Variants in ATP2C1 observed in about 807,000 individuals in gnomAD.
The protein encoded by ATP2C1 is ATPase secretory pathway Ca2+ transporting 1.
Under a neutral mutation model 120.5 loss-of-function variants are expected in ATP2C1, and 31 were observed. The observed-to-expected ratio is 0.26, with a 90% CI of 0.19 to 0.35. The LOEUF (loss-of-function observed/expected upper bound fraction) is 0.35, where lower values mean the gene tolerates loss of function less well. Ranked by LOEUF, ATP2C1 falls within the 10% of genes least tolerant of loss-of-function variation. ATP2C1 has a pLI of 1.00. For synonymous variants in ATP2C1, 351 were observed against 358.7 expected, an observed-to-expected ratio of 0.98 and a Z score of 0.24; for missense variants, 731 against 1,107.5, an observed-to-expected ratio of 0.66 and a Z score of 4.83.
At chr3:131,009,829 G>A (rs1577072271) in intron 26 of ATP2C1, among the ~76,000 whole-genome samples, 1 of 152,160 alleles carries the variant, frequency 6.6e-6, no homozygotes, top group East Asian at 1.9e-4. Context: ...TTTCAGCTGT[G>A]ATGACTGAAA....
At chr3:130,981,822 T>G (rs2061779562) in intron 20 of ATP2C1, among the ~76,000 whole-genome samples, 1 of 152,238 alleles carries the variant, frequency 6.6e-6, no homozygotes, top group African/African-American at 2.4e-5. Context: ...GTTGAATATC[T>G]TTTCATATGC....
At chr3:131,015,988 A>G (rs1192110414) in intron 26 of ATP2C1, 2 of 897,806 alleles carry the variant, frequency 2.2e-6, no homozygotes, top group Non-Finnish European at 3.5e-6. Context: ...CCAGCTCTTC[A>G]GCTGTAACAG....
chr3:130,984,398 A>G (rs943601565), intron 20 of ATP2C1, among the ~76,000 whole-genome samples: 2 of 152,172 alleles, frequency 1.3e-5, no homozygotes, highest in South Asian at 2.1e-4. Context: ...GGCCGTTAAC[A>G]TATATTGCTG....
intron 12 of ATP2C1, chr3:130,963,571 T>G: frequency 4.6e-6 from 1 of 218,936 alleles, no homozygotes; most frequent in Non-Finnish European, 9.3e-6. Flanking sequence ...TTTGGCCTGT[T>G]TCCATCTTTT....
At position 130,894,747 on chromosome 3, in the gene ATP2C1, C is replaced by T. The variant is rs1299445249; in HGVS notation, c.-23C>T. ...ACACTAAAGACTTTGTAGCCATCAA[C>T]CCGAGTGCAGTTTCGATGGAAAATG... On this transcript the variant is annotated 5_prime_UTR_variant, in exon 2 of 28. Transcript: ENST00000510168. This position sits in a 1 kb window ranked among gnomAD's most constrained non-coding sequence, Gnocchi z 4.5. 1 of 1,614,074 alleles carries T rather than the reference C, an allele frequency of 6.2e-7. No individual in the cohort carries two copies. Among genetic ancestry groups the T allele is most frequent in the Admixed American group, 1.7e-5 (1 of 60,002 alleles).
At chr3:130,878,676 TTC>T (rs2068684427) in intron 1 of ATP2C1, among the ~76,000 whole-genome samples, 1 of 152,212 alleles carries the variant, frequency 6.6e-6, no homozygotes, top group African/African-American at 2.4e-5. Context: ...GCCTGACAAT[TTC>T]TTTCTTTCAG....
intron 1 of ATP2C1, chr3:130,868,214 TG>T (rs1412635914): frequency 7.2e-6 from 1 of 139,614 alleles, no homozygotes; most frequent in Non-Finnish European, 1.5e-5. Context: ...AGGACCCCTC[TG>T]CCCGGCCAGC....
chr3:130,951,205 C>G (rs1226068526), intron 8 of ATP2C1, among the ~76,000 whole-genome samples: 1 of 151,984 alleles, frequency 6.6e-6, no homozygotes, highest in East Asian at 1.9e-4. Context: ...CTGTCTTTTT[C>G]TATAAGTGGT....
chr3:130,965,994 C>T (rs558697405), intron 14 of ATP2C1, among the ~76,000 whole-genome samples: 2 of 152,226 alleles, frequency 1.3e-5, no homozygotes, highest in South Asian at 4.1e-4. Context: ...GTAGTTCTTC[C>T]TGAAGGTGCT....
Position 130,894,129 on chromosome 3 carries a change from T to A in ATP2C1, c.-389T>A. ...AGCCGGCCCGGCGGACCGTGACGGG[T>A]CCCCTCACCTCCTCTTCTCTCCCCT... On this transcript the variant is annotated 5_prime_UTR_variant, in exon 1 of 28. Coordinates refer to ENST00000510168, the MANE Select transcript of ATP2C1 (RefSeq NM_001378687.1). This position sits in a 1 kb window ranked among gnomAD's most constrained non-coding sequence, Gnocchi z 4.5. 1 of 960,638 alleles carries A rather than the reference T, an allele frequency of 1.0e-6. No homozygotes were observed. Among genetic ancestry groups the A allele is most frequent in the Middle Eastern group, 5.4e-4 (1 of 1,866 alleles). 59.5% of individuals were successfully genotyped at this position (960,638 alleles called of 1,614,324 possible).
At chr3:130,986,852 T>C (rs1232326371) in intron 20 of ATP2C1, among the ~76,000 whole-genome samples, 1 of 152,066 alleles carries the variant, frequency 6.6e-6, no homozygotes, top group East Asian at 1.9e-4. Flanking sequence ...TTATTTGGCC[T>C]TCAGCTTTTT....
intron 8 of ATP2C1, among the ~76,000 whole-genome samples, chr3:130,949,364 A>C (rs2060274444): frequency 6.6e-6 from 1 of 152,148 alleles, no homozygotes. Context: ...CCTTAAACCA[A>C]ACCTAATCCA....
intron 3 of ATP2C1, among the ~76,000 whole-genome samples, chr3:130,931,304 C>T (rs929859873): frequency 3.9e-5 from 6 of 151,990 alleles, no homozygotes; most frequent in Non-Finnish European, 2.9e-5. Context: ...AATACTAAAT[C>T]ATGAGAGAGA....
chr3:130,920,871 A>G (rs111255282), intron 2 of ATP2C1, among the ~76,000 whole-genome samples: 95 of 152,202 alleles, frequency 6.2e-4, no homozygotes, highest in African/African-American at 1.9e-3. Context: ...CTGGTTTTCA[A>G]TAAACAAACC....
At chr3:131,008,870 C>CA (rs1043804904) in intron 26 of ATP2C1, among the ~76,000 whole-genome samples, 2 of 152,178 alleles carry the variant, frequency 1.3e-5, no homozygotes, top group African/African-American at 4.8e-5. Flanking sequence ...TAGAGAAAGT[C>CA]AGAGTGTCTC....
intron 2 of ATP2C1, among the ~76,000 whole-genome samples, chr3:130,929,369 G>C (rs1272751359): frequency 6.6e-6 from 1 of 152,032 alleles, no homozygotes; most frequent in Non-Finnish European, 1.5e-5. Context: ...ATGTGTGCAG[G>C]CCTCTGTAAT....
At chr3:130,852,467 C>T (rs374930191) in intron 1 of ATP2C1, among the ~76,000 whole-genome samples, 4 of 152,020 alleles carry the variant, frequency 2.6e-5, no homozygotes, top group African/African-American at 9.6e-5. Flanking sequence ...TAGAATTTAA[C>T]ATAAAACCTC....
downstream of ATP2C1, among the ~76,000 whole-genome samples, chr3:131,006,397 C>G (rs1370717320): frequency 6.6e-6 from 1 of 152,198 alleles, no homozygotes. Context: ...CGGGCATGAG[C>G]CACCACGGTT....
chr3:130,990,952 G>A (rs1218786180), intron 20 of ATP2C1, among the ~76,000 whole-genome samples: 1 of 152,224 alleles, frequency 6.6e-6, no homozygotes, highest in Non-Finnish European at 1.5e-5. Context: ...GTGAAGTAGG[G>A]ATGGGAATTA....
Sources: gnomAD v4.1 joint callset for allele counts (sites outside exome capture counted in the v4.1 genomes callset) on GRCh38, gnomAD v4.1.1 for gene constraint, Gnocchi (gnomAD v3.1) non-coding constraint, MANE v1.5 for transcripts, NCBI Gene and HGNC (gene_info 2026-07-23, HGNC 2026-07-21) for gene names.